Variants in TMEM163 observed in about 807,000 individuals in gnomAD.
The protein encoded by TMEM163 is transmembrane protein 163.
In TMEM163, 17 loss-of-function variants were observed where a neutral mutation model predicts 29.3. The ratio of observed to expected loss-of-function variants is 0.58; its 90% CI spans 0.40 to 0.87. TMEM163 has a LOEUF of 0.87. TMEM163 is among the 40% of genes least tolerant of loss of function. The pLI, the probability that TMEM163 is intolerant of heterozygous loss-of-function variation, is 0.00. For missense variants in TMEM163, 303 were observed against 381.5 expected (o/e 0.79, Z 1.71); for synonymous variants, 157 against 160.6 (o/e 0.98, Z 0.17).
chr2:134,572,849 A>G (rs1681464885), intron 2 of TMEM163, among the ~76,000 whole-genome samples: 1 of 152,234 alleles, frequency 6.6e-6, no homozygotes, highest in Non-Finnish European at 1.5e-5. Context: ...CTGAAATTAG[A>G]GAATAAAAAT....
Position 134,581,634 on chromosome 2 carries a change from C to A in TMEM163, c.323-29543G>T, listed in dbSNP as rs868856251. 4.2e-4 allele frequency among the ~76,000 whole-genome samples: 64 copies of A among 151,634 alleles called. 1 individual carries two copies. Among genetic ancestry groups the A allele is most frequent in the Non-Finnish European group, 8.8e-5 (6 of 67,962 alleles). On this transcript the variant is annotated intron_variant, in intron 2 of 7. Coordinates refer to ENST00000281924, the MANE Select transcript of TMEM163 (RefSeq NM_030923.5). ...ACATTCTTCATGCTCTTTATGGGGG[C>A]GGGGGGGAGATGAATTTTATGAGGT...
chr2:134,507,559 G>A (rs975218105), intron 4 of TMEM163, among the ~76,000 whole-genome samples: 7 of 152,204 alleles, frequency 4.6e-5, no homozygotes, highest in Non-Finnish European at 8.8e-5. Context: ...TCTGATGTAC[G>A]CTCAAGTTTA....
chr2:134,699,297 A>G (rs530275531), intron 2 of TMEM163, among the ~76,000 whole-genome samples: 321 of 152,348 alleles, frequency 2.1e-3, no homozygotes, highest in African/African-American at 7.3e-3. Context: ...TGAGATCAGG[A>G]GTTCGAGACC....
intron 2 of TMEM163, among the ~76,000 whole-genome samples, chr2:134,636,706 T>C (rs1399471382): frequency 6.6e-6 from 1 of 151,986 alleles, no homozygotes; most frequent in Non-Finnish European, 1.5e-5. Context: ...GATTTAGGAG[T>C]CATGCAGCTG....
chr2:134,543,940 C>T (rs1399923698), intron 4 of TMEM163, among the ~76,000 whole-genome samples: 3 of 152,170 alleles, frequency 2.0e-5, no homozygotes, highest in Non-Finnish European at 4.4e-5. Flanking sequence ...AGAACCACCT[C>T]TCGGGCTGCA....
Position 134,674,414 on chromosome 2 carries a change from G to T in TMEM163, c.322+38786C>A, listed in dbSNP as rs1684060630. Among the ~76,000 whole-genome samples the T allele has an allele frequency of 2.1e-5, 3 of 144,326 alleles. No individual in the cohort carries two copies. The Admixed American group carries it at 2.1e-4, about 10-fold the overall frequency. 94.7% of individuals were successfully genotyped at this position (144,326 alleles called of 152,430 possible). A position where few individuals can be genotyped will look rare whatever the true frequency, so the allele number is the denominator to read the frequency against. On this transcript the variant is annotated intron_variant, in intron 2 of 7. Transcript: ENST00000281924. ...GCTGGAGTGCAGTAGCACAATCTCA[G>T]CTCACTGAAACTCCCGCCTCCCGGG...
chr2:134,568,593 G>T (rs927628317), intron 2 of TMEM163, among the ~76,000 whole-genome samples: 1 of 95,166 alleles, frequency 1.1e-5, no homozygotes, highest in African/African-American at 3.9e-5. Flanking sequence ...AGAAGGAAAA[G>T]AAAAAGGAAA....
chr2:134,456,778 T>C lies in TMEM163; in HGVS notation c.810-2A>G. The C allele has an allele frequency of 6.2e-7, 1 of 1,613,444 alleles. No individual in the cohort carries two copies. The highest frequency in any genetic ancestry group is 8.5e-7 in the Non-Finnish European group (1 of 1,179,798). ...CTCGGCACCATGTCGATGAGGAGTC[T>C]GCAAAGACGAAGACAGACAAGGTCA... is the stretch of plus-strand genomic sequence containing the variant. On this transcript the variant is annotated splice_acceptor_variant, in intron 7 of 7. Coordinates refer to ENST00000281924, the MANE Select transcript of TMEM163 (RefSeq NM_030923.5). LOFTEE classifies it high-confidence loss of function.
intron 2 of TMEM163, among the ~76,000 whole-genome samples, chr2:134,614,168 A>G (rs1224871613): frequency 6.6e-6 from 1 of 152,206 alleles, no homozygotes; most frequent in Non-Finnish European, 1.5e-5. Flanking sequence ...AAATAGACCT[A>G]TAAAAATATG....
intron 2 of TMEM163, among the ~76,000 whole-genome samples, chr2:134,685,605 CT>C (rs1290597776): frequency 2.0e-5 from 3 of 152,150 alleles, no homozygotes; most frequent in Admixed American, 6.5e-5. Flanking sequence ...CAAGGTTAGC[CT>C]AATTAGATCT....
At chr2:134,482,927 G>A (rs902260809) in intron 5 of TMEM163, among the ~76,000 whole-genome samples, 5 of 152,110 alleles carry the variant, frequency 3.3e-5, no homozygotes, top group South Asian at 2.1e-4. Flanking sequence ...CTTGGTCCCC[G>A]GCATTTTCTG....
chr2:134,461,466 G>A lies in TMEM163; in HGVS notation c.668-3293C>T, dbSNP rs1018813434. On this transcript the variant is annotated intron_variant, in intron 6 of 7. Coordinates refer to ENST00000281924, the MANE Select transcript of TMEM163 (RefSeq NM_030923.5). ...TGAAGCTGTGCCCCTCGTCCAGAGC[G>A]CTCCCCCAGTGCTCTCTCATGCTCT... Among the ~76,000 whole-genome samples the A allele has an allele frequency of 1.6e-4, 24 of 152,226 alleles. 1 individual carries two copies. Among genetic ancestry groups the A allele is most frequent in the Admixed American group, 9.8e-4 (15 of 15,300 alleles).
rs1348391390 is a variant in TMEM163, at chr2:134,456,222, A to C, written c.*494T>G. 6.3e-6 allele frequency: 1 copy of C among 157,860 alleles called. No homozygotes were observed. Among genetic ancestry groups the C allele is most frequent in the Non-Finnish European group, 1.4e-5 (1 of 71,128 alleles). The allele number at this position is 157,860 out of a possible 1,614,324, so 9.8% of individuals were successfully genotyped here. On this transcript the variant is annotated 3_prime_UTR_variant, in exon 8 of 8. Coordinates refer to ENST00000281924, the MANE Select transcript of TMEM163 (RefSeq NM_030923.5). ...TAGTAAAACAGTATGAAATAATGAG[A>C]TACACTGATAGAAATTAGGAAGTGA...
intron 1 of TMEM163, among the ~76,000 whole-genome samples, chr2:134,716,038 C>T (rs1384480781): frequency 6.6e-6 from 1 of 152,022 alleles, no homozygotes; most frequent in African/African-American, 2.4e-5. Context: ...TGCATTAGTT[C>T]CAATTCCTTT....
At chr2:134,699,503 C>CA (rs113283992) in intron 2 of TMEM163, among the ~76,000 whole-genome samples, 413 of 132,344 alleles carry the variant, frequency 3.1e-3, no homozygotes, top group Non-Finnish European at 3.6e-3. Flanking sequence ...GGCTCAATCT[C>CA]AAAAAAAAAA....
At chr2:134,658,505 C>T (rs1683672623) in intron 2 of TMEM163, among the ~76,000 whole-genome samples, 1 of 152,036 alleles carries the variant, frequency 6.6e-6, no homozygotes, top group Admixed American at 6.6e-5. Context: ...AAAGCAGAGC[C>T]TATGCCCCAG....
chr2:134,621,607 T>A (rs1403951993), intron 2 of TMEM163, among the ~76,000 whole-genome samples: 1 of 152,078 alleles, frequency 6.6e-6, no homozygotes, highest in Non-Finnish European at 1.5e-5. Flanking sequence ...AAACCCAATG[T>A]GGGCCGGGCG....
chr2:134,634,894 C>A (rs1683070238), intron 2 of TMEM163, among the ~76,000 whole-genome samples: 1 of 152,226 alleles, frequency 6.6e-6, no homozygotes, highest in African/African-American at 2.4e-5. Context: ...TTTCTTCAAT[C>A]CCTAACTCTA....
intron 4 of TMEM163, among the ~76,000 whole-genome samples, chr2:134,541,949 G>A (rs1025000453): frequency 2.0e-5 from 3 of 152,222 alleles, no homozygotes; most frequent in East Asian, 1.9e-4. Flanking sequence ...CTTGCCCCAC[G>A]CCTTTCTTAC....
Sources: allele counts gnomAD v4.1 joint callset (sites outside exome capture counted in the v4.1 genomes callset), GRCh38; gene constraint gnomAD v4.1.1; transcripts MANE v1.5; gene names NCBI Gene and HGNC (gene_info 2026-07-23, HGNC 2026-07-21).